CACNA2D3: variants seen among roughly 807,000 people sequenced by gnomAD.
The protein encoded by CACNA2D3 is voltage-dependent calcium channel subunit alpha-2/delta-3.
CACNA2D3 carries 60 observed loss-of-function variants against 160.6 expected under a neutral mutation model. The ratio of observed to expected loss-of-function variants is 0.37; its 90% CI spans 0.30 to 0.46. The LOEUF (loss-of-function observed/expected upper bound fraction) is 0.46, where lower values mean the gene tolerates loss of function less well. CACNA2D3 is among the 20% of genes least tolerant of loss of function. The pLI, the probability that CACNA2D3 is intolerant of heterozygous loss-of-function variation, is 1.00. For missense variants in CACNA2D3, 1,205 were observed against 1,365.0 expected (o/e 0.88, Z 1.85); for synonymous variants, 558 against 492.9 (o/e 1.13, Z -1.75).
intron 4 of CACNA2D3, among the ~76,000 whole-genome samples, chr3:54,439,153 G>T (rs901021489): frequency 6.6e-6 from 1 of 152,156 alleles, no homozygotes; most frequent in Admixed American, 6.6e-5. Context: ...GCAGTTGGGG[G>T]TGCCCACCTC....
Position 54,382,092 on chromosome 3 carries a change from A to G in CACNA2D3, c.322-4623A>G, listed in dbSNP as rs911933540. Reference sequence around the variant, plus strand: ...TCCATAGGCTGGAGTCTTCAAAGCCATTTTTGTTTCCAGTGTTCACGTTTA... The same window carrying G: ...TCCATAGGCTGGAGTCTTCAAAGCCGTTTTTGTTTCCAGTGTTCACGTTTA... On this transcript the variant is annotated intron_variant, in intron 3 of 37. Coordinates refer to ENST00000474759, the MANE Select transcript of CACNA2D3 (RefSeq NM_018398.3). 4.4e-4 allele frequency among the ~76,000 whole-genome samples: 67 copies of G among 152,188 alleles called. 1 individual carries two copies. The highest frequency in any genetic ancestry group is 1.3e-4 in the Admixed American group (2 of 15,276).
intron 2 of CACNA2D3, among the ~76,000 whole-genome samples, chr3:54,287,787 C>G (rs1417215454): frequency 6.7e-6 from 1 of 148,940 alleles, no homozygotes; most frequent in Non-Finnish European, 1.5e-5. Flanking sequence ...AAAAACCGCT[C>G]AACTGCATGG....
chr3:55,021,715 G>GTGTATA (rs1553632885), intron 35 of CACNA2D3, among the ~76,000 whole-genome samples: 7 of 141,404 alleles, frequency 5.0e-5, no homozygotes, highest in African/African-American at 1.9e-4. Context: ...ATATGTGTGT[G>GTGTATA]TATATATATA....
intron 16 of CACNA2D3, among the ~76,000 whole-genome samples, chr3:54,844,599 A>G (rs913247273): frequency 6.6e-6 from 1 of 152,060 alleles, no homozygotes; most frequent in Admixed American, 6.6e-5. Context: ...CCCGCCATAT[A>G]TTGTTAACCG....
At chr3:54,359,260 T>A (rs146826341) in intron 3 of CACNA2D3, among the ~76,000 whole-genome samples, 2 of 152,302 alleles carry the variant, frequency 1.3e-5, no homozygotes, top group East Asian at 3.9e-4. Context: ...TATGAGATAA[T>A]TGAGTTATTA....
chr3:54,385,030 TG>T (rs1699165667), intron 3 of CACNA2D3, among the ~76,000 whole-genome samples: 1 of 152,154 alleles, frequency 6.6e-6, no homozygotes, highest in South Asian at 2.1e-4. Flanking sequence ...CCTAGGTACA[TG>T]GATTTTACAA....
chr3:54,177,491 G>T (rs543483928), intron 2 of CACNA2D3, among the ~76,000 whole-genome samples: 1 of 152,136 alleles, frequency 6.6e-6, no homozygotes, highest in East Asian at 1.9e-4. Context: ...CTAACTCCTC[G>T]GGCTTTTTTA....
intron 27 of CACNA2D3, among the ~76,000 whole-genome samples, chr3:54,966,247 G>A (rs1047850727): frequency 1.3e-5 from 2 of 152,134 alleles, no homozygotes; most frequent in African/African-American, 4.8e-5. Flanking sequence ...GGCTACCCTG[G>A]AGTGACTCTT....
In CACNA2D3 at chr3:54,342,988, A is replaced by G. The variant is rs573184807; in HGVS notation, c.321+22430A>G. On this transcript the variant is annotated intron_variant, in intron 3 of 37. Coordinates refer to ENST00000474759, the MANE Select transcript of CACNA2D3 (RefSeq NM_018398.3). Reference sequence around the variant, plus strand: ...ACGTTTGTGCCAAGACCACTCCTTCACATCACAGGCCAGTGTGTGGGCAGA... The same window carrying G: ...ACGTTTGTGCCAAGACCACTCCTTCGCATCACAGGCCAGTGTGTGGGCAGA... 1.4e-4 allele frequency among the ~76,000 whole-genome samples: 22 copies of G among 152,340 alleles called. No homozygotes were observed. In the East Asian group the frequency reaches 2.1e-3, roughly 15 times the overall value.
intron 9 of CACNA2D3, among the ~76,000 whole-genome samples, chr3:54,585,947 G>GTATGACCATATAAACATGATCCAACCA (rs1702753046): frequency 1.3e-5 from 2 of 151,952 alleles, no homozygotes; most frequent in African/African-American, 4.8e-5. Context: ...TGATCCAACC[G>GTATGACCATATAAACATGATCCAACCA]TATGACCATA....
intron 2 of CACNA2D3, among the ~76,000 whole-genome samples, chr3:54,293,466 T>G (rs888200540): frequency 1.3e-5 from 2 of 152,116 alleles, no homozygotes; most frequent in African/African-American, 4.8e-5. Flanking sequence ...GGTTTTCTAT[T>G]CCTGAGTTAC....
chr3:54,154,181 A>G (rs964166563), intron 2 of CACNA2D3, among the ~76,000 whole-genome samples: 2 of 152,208 alleles, frequency 1.3e-5, no homozygotes, highest in Non-Finnish European at 2.9e-5. Context: ...TTCAAACTCA[A>G]ACACCTTTTA....
chr3:54,697,651 G>A (rs1253960464), intron 11 of CACNA2D3, among the ~76,000 whole-genome samples: 1 of 152,116 alleles, frequency 6.6e-6, no homozygotes, highest in African/African-American at 2.4e-5. Flanking sequence ...GGAGCCATGT[G>A]CACACTTAAC....
At chr3:54,198,121 G>C (rs1448098061) in intron 2 of CACNA2D3, among the ~76,000 whole-genome samples, 1 of 152,212 alleles carries the variant, frequency 6.6e-6, no homozygotes. Flanking sequence ...GATCTAAAAG[G>C]CTGGTTCTGT....
At chr3:54,760,866 A>T (rs1702068404) in intron 12 of CACNA2D3, among the ~76,000 whole-genome samples, 1 of 152,028 alleles carries the variant, frequency 6.6e-6, no homozygotes, top group South Asian at 2.1e-4. Flanking sequence ...TGAAGTCGGG[A>T]GTTGGCTTTG....
chr3:54,451,314 A>G (rs1028532144), intron 4 of CACNA2D3, among the ~76,000 whole-genome samples: 7 of 125,886 alleles, frequency 5.6e-5, no homozygotes, highest in Non-Finnish European at 9.4e-5. Flanking sequence ...CAGTGGCGCA[A>G]TCTTGGCTCA....
At chr3:54,434,673 G>C (rs1700036029) in intron 4 of CACNA2D3, among the ~76,000 whole-genome samples, 1 of 152,232 alleles carries the variant, frequency 6.6e-6, no homozygotes, top group South Asian at 2.1e-4. Context: ...GCCTGGGCCA[G>C]ACACAGTCAG....
intron 5 of CACNA2D3, among the ~76,000 whole-genome samples, chr3:54,515,155 A>G (rs1248671281): frequency 1.3e-5 from 2 of 149,694 alleles, no homozygotes. Flanking sequence ...AATGCATAGT[A>G]AAATCCGTGT....
intron 35 of CACNA2D3, among the ~76,000 whole-genome samples, chr3:55,061,378 T>C (rs539729644): frequency 6.6e-6 from 1 of 152,316 alleles, no homozygotes; most frequent in South Asian, 2.1e-4. Flanking sequence ...GTGTGAGCCA[T>C]GCTTATGGCT....
Sources: gnomAD v4.1 joint callset for allele counts (sites outside exome capture counted in the v4.1 genomes callset) on GRCh38, gnomAD v4.1.1 for gene constraint, MANE v1.5 for transcripts, NCBI Gene and HGNC (gene_info 2026-07-23, HGNC 2026-07-21) for gene names.